Variants in CLIC5 observed in about 807,000 individuals in gnomAD.
CLIC5 encodes chloride intracellular channel protein 5.
In CLIC5, 20 loss-of-function variants were observed where a neutral mutation model predicts 24.7. The observed-to-expected ratio is 0.81, with a 90% CI of 0.57 to 1.18. The LOEUF (loss-of-function observed/expected upper bound fraction) is 1.18. Ranked by LOEUF, CLIC5 falls within the 50% of genes most tolerant of loss-of-function variation. The pLI is 0.00. For synonymous variants in CLIC5, 159 were observed against 135.6 expected (o/e 1.17, Z -1.20); for missense variants, 341 against 326.1 (o/e 1.05, Z -0.35).
chr6:45,919,668 T>G (rs555332978), intron 4 of CLIC5, among the ~76,000 whole-genome samples: 1 of 152,252 alleles, frequency 6.6e-6, no homozygotes, highest in African/African-American at 2.4e-5. Context: ...CCAGGCAGGG[T>G]TTTTGATGGG....
chr6:45,971,172 A>C (rs1409700801), intron 1 of CLIC5, among the ~76,000 whole-genome samples: 2 of 152,222 alleles, frequency 1.3e-5, no homozygotes, highest in Non-Finnish European at 2.9e-5. Context: ...CCACATTCTA[A>C]TACTACTATC....
intron 6 of CLIC5, among the ~76,000 whole-genome samples, chr6:45,893,261 A>G (rs1762368497): frequency 6.6e-6 from 1 of 150,554 alleles, no homozygotes; most frequent in Admixed American, 6.6e-5. Context: ...AATTCCTTTG[A>G]GAATCACTGT....
upstream of CLIC5, chr6:46,080,430 T>C: frequency 5.1e-6 from 3 of 584,958 alleles, no homozygotes; most frequent in Admixed American, 3.0e-5. Flanking sequence ...AAACCACAAG[T>C]CCATTGGACA....
intron 1 of CLIC5, among the ~76,000 whole-genome samples, chr6:46,012,995 G>A (rs1469701611): frequency 6.6e-6 from 1 of 152,120 alleles, no homozygotes; most frequent in African/African-American, 2.4e-5. Flanking sequence ...ATCATTATCA[G>A]CAGTAGTAGT....
At chr6:45,908,913 T>C (rs1301387099) in intron 5 of CLIC5, among the ~76,000 whole-genome samples, 1 of 152,216 alleles carries the variant, frequency 6.6e-6, no homozygotes, top group Non-Finnish European at 1.5e-5. Context: ...GCTAAGTCTT[T>C]TCATAGGTCT....
chr6:45,973,094 A>G (rs529085063), intron 1 of CLIC5, among the ~76,000 whole-genome samples: 1 of 152,266 alleles, frequency 6.6e-6, no homozygotes, highest in East Asian at 1.9e-4. Flanking sequence ...AAATTCCATG[A>G]CTTGGCTTGT....
At chr6:45,925,343 G>T (rs1395360690) in intron 4 of CLIC5, among the ~76,000 whole-genome samples, 1 of 143,724 alleles carries the variant, frequency 7.0e-6, no homozygotes, top group African/African-American at 2.7e-5. Flanking sequence ...TTGAGATAGA[G>T]TCTCGCTCTG....
At chr6:46,063,526 G>A (rs1159079215) in intron 1 of CLIC5, among the ~76,000 whole-genome samples, 2 of 152,204 alleles carry the variant, frequency 1.3e-5, no homozygotes, top group Non-Finnish European at 2.9e-5. Flanking sequence ...CTAAATACCA[G>A]AGGAGATGCA....
intron 4 of CLIC5, among the ~76,000 whole-genome samples, chr6:45,938,155 T>C (rs544615937): frequency 1.3e-5 from 2 of 152,142 alleles, no homozygotes; most frequent in Non-Finnish European, 2.9e-5. Flanking sequence ...TAGGGCGGCA[T>C]GTGGAAGGAG....
chr6:46,082,789 C>T (rs557899794), upstream of CLIC5, among the ~76,000 whole-genome samples: 1 of 149,286 alleles, frequency 6.7e-6, no homozygotes, highest in South Asian at 2.3e-4. Context: ...TTACTAAAAA[C>T]CCTTACCCTA....
At chr6:46,096,151 C>G in the CLIC5 span, among the ~76,000 whole-genome samples, 1 of 152,152 alleles carries the variant, frequency 6.6e-6, no homozygotes, top group South Asian at 2.1e-4. Flanking sequence ...GTGCCACACA[C>G]TTTTAAGTGA....
chr6:46,122,417 A>AC, the CLIC5 span, among the ~76,000 whole-genome samples: 5 of 152,226 alleles, frequency 3.3e-5, no homozygotes, highest in African/African-American at 1.2e-4. Context: ...AATCTCTGGG[A>AC]CACATTTAAA....
At chr6:46,065,346 GT>G (rs58256194) in intron 1 of CLIC5, among the ~76,000 whole-genome samples, 16,242 of 145,292 alleles carry the variant, frequency 0.11, 1,034 homozygotes, top group African/African-American at 0.17. Context: ...AATTTTCAAG[GT>G]TTTTTTTTTT....
At chr6:45,968,402 C>A (rs745690847) in intron 1 of CLIC5, among the ~76,000 whole-genome samples, 1 of 152,244 alleles carries the variant, frequency 6.6e-6, no homozygotes, top group South Asian at 2.1e-4. Flanking sequence ...CTGCCAGAAA[C>A]TGATTAAAGA....
intron 1 of CLIC5, among the ~76,000 whole-genome samples, chr6:46,072,826 T>A (rs1206621509): frequency 6.6e-6 from 1 of 152,202 alleles, no homozygotes; most frequent in African/African-American, 2.4e-5. Flanking sequence ...GTGGAAAGCA[T>A]CACAGTGATA....
chr6:45,936,726 G>T (rs1460395661), intron 4 of CLIC5, among the ~76,000 whole-genome samples: 2 of 152,112 alleles, frequency 1.3e-5, no homozygotes, highest in Non-Finnish European at 2.9e-5. Context: ...ACAGTCACCT[G>T]CCTCTCTGCA....
At chr6:45,910,443 C>A (rs1046657807) in intron 5 of CLIC5, among the ~76,000 whole-genome samples, 2 of 152,064 alleles carry the variant, frequency 1.3e-5, no homozygotes, top group African/African-American at 4.8e-5. Flanking sequence ...TCTCTAGTGT[C>A]AAGTGTAATA....
chr6:46,017,975 G>C (rs1767068521), upstream of CLIC5, among the ~76,000 whole-genome samples: 1 of 152,142 alleles, frequency 6.6e-6, no homozygotes, highest in South Asian at 2.1e-4. Flanking sequence ...ATGTTTAATT[G>C]CTTTCCTCCT....
chr6:45,949,509 G>A (rs1764402648), intron 2 of CLIC5, 128 bp from the exon 3 acceptor site: 12 of 1,056,774 alleles, frequency 1.1e-5, no homozygotes, highest in Admixed American at 2.3e-5. Flanking sequence ...ACAGATTTAT[G>A]GTATGCAGTA....
Sources: gnomAD v4.1 joint callset for allele counts (sites outside exome capture counted in the v4.1 genomes callset) on GRCh38, gnomAD v4.1.1 for gene constraint, MANE v1.5 for transcripts, NCBI Gene and HGNC (gene_info 2026-07-23, HGNC 2026-07-21) for gene names.